SLC24A3: variants seen among roughly 807,000 people sequenced by gnomAD.
SLC24A3 encodes the protein solute carrier family 24 member 3, also known as sodium/potassium/calcium exchanger 3.
A neutral mutation model predicts 75.8 loss-of-function variants in SLC24A3; 28 were observed. The ratio of observed to expected loss-of-function variants is 0.37; its 90% confidence interval spans 0.27 to 0.51. The LOEUF (loss-of-function observed/expected upper bound fraction) is 0.51. Ranked by LOEUF, SLC24A3 falls within the 20% of genes least tolerant of loss-of-function variation. The pLI is 0.94. For missense variants in SLC24A3, 663 were observed against 847.8 expected (o/e 0.78, Z 2.71); for synonymous variants, 372 against 334.1 (o/e 1.11, Z -1.24).
intron 2 of SLC24A3, among the ~76,000 whole-genome samples, chr20:19,331,110 G>A (rs1368417960): frequency 1.3e-5 from 2 of 152,202 alleles, no homozygotes; most frequent in African/African-American, 4.8e-5. Flanking sequence ...ATCAGATCCT[G>A]TACTGGAGGG....
chr20:19,304,172 G>A lies in SLC24A3; in HGVS notation c.271+23085G>A, dbSNP rs558682601. Among the ~76,000 whole-genome samples, 25 of 152,232 alleles carry A rather than the reference G, an allele frequency of 1.6e-4. 1 individual carries two copies. In the South Asian group the frequency reaches 4.4e-3, roughly 27 times the overall value. ...TCCCTAGCTTCTCTTTAATACATAG[G>A]CTTTGAATAACATTAATCAAGTTTT... On this transcript the variant is annotated intron_variant, in intron 2 of 16. Transcript: ENST00000328041.
At chr20:19,218,151 G>A (rs571505064) in intron 1 of SLC24A3, among the ~76,000 whole-genome samples, 30 of 152,250 alleles carry the variant, frequency 2.0e-4, no homozygotes, top group African/African-American at 4.8e-4. Context: ...TCTTTTGATC[G>A]CTGAACTACA....
intron 2 of SLC24A3, among the ~76,000 whole-genome samples, chr20:19,285,795 A>C (rs2122229957): frequency 6.6e-6 from 1 of 152,174 alleles, no homozygotes; most frequent in African/African-American, 2.4e-5. Flanking sequence ...AATTTGATCC[A>C]TGGAAAATTA....
chr20:19,476,127 G>A (rs1219005737), intron 2 of SLC24A3, among the ~76,000 whole-genome samples: 3 of 152,220 alleles, frequency 2.0e-5, no homozygotes, highest in Admixed American at 1.3e-4. Context: ...CCAGGCCGGA[G>A]AGCTAGAGTC....
intron 2 of SLC24A3, among the ~76,000 whole-genome samples, chr20:19,349,226 T>C (rs1985508549): frequency 6.6e-6 from 1 of 152,198 alleles, no homozygotes; most frequent in African/African-American, 2.4e-5. Flanking sequence ...ATTGGGAGAC[T>C]ACAGAATCGC....
At chr20:19,430,427 G>C (rs1468142419) in intron 2 of SLC24A3, among the ~76,000 whole-genome samples, 2 of 152,044 alleles carry the variant, frequency 1.3e-5, no homozygotes, top group East Asian at 3.9e-4. Flanking sequence ...GTGAGGAAGA[G>C]AAAAAATAGG....
At chr20:19,303,134 G>A (rs1984235943) in intron 2 of SLC24A3, among the ~76,000 whole-genome samples, 1 of 152,066 alleles carries the variant, frequency 6.6e-6, no homozygotes, top group South Asian at 2.1e-4. Flanking sequence ...GTACCCAATA[G>A]GTAGTTTTTC....
intron 2 of SLC24A3, among the ~76,000 whole-genome samples, chr20:19,498,215 A>C (rs533615584): frequency 6.6e-6 from 1 of 152,252 alleles, no homozygotes; most frequent in Non-Finnish European, 1.5e-5. Context: ...CTGATTCTAC[A>C]TGGAGGTGAG....
intron 1 of SLC24A3, among the ~76,000 whole-genome samples, chr20:19,274,056 G>A (rs962215900): frequency 6.6e-6 from 1 of 150,982 alleles, no homozygotes; most frequent in Non-Finnish European, 1.5e-5. Context: ...TCCCCTCTGG[G>A]TTAAAGGGAG....
intron 3 of SLC24A3, among the ~76,000 whole-genome samples, chr20:19,550,870 C>A (rs1242793206): frequency 6.6e-6 from 1 of 152,132 alleles, no homozygotes. Context: ...TAATGAAGAG[C>A]AAATGAGGCC....
chr20:19,663,067 T>G (rs2032348955), intron 7 of SLC24A3, among the ~76,000 whole-genome samples: 1 of 152,114 alleles, frequency 6.6e-6, no homozygotes, highest in Admixed American at 6.5e-5. Flanking sequence ...GAAGCCCTGC[T>G]TCTGTTTAGA....
At chr20:19,280,731 C>T (rs923452545) in intron 1 of SLC24A3, among the ~76,000 whole-genome samples, 9 of 152,158 alleles carry the variant, frequency 5.9e-5, no homozygotes, top group Admixed American at 2.6e-4. Flanking sequence ...CAGTAGACAA[C>T]TGGAGCTTGA....
chr20:19,261,426 C>T (rs6136666), intron 1 of SLC24A3, among the ~76,000 whole-genome samples: 45,558 of 152,046 alleles, frequency 0.3, 7,656 homozygotes, highest in East Asian at 0.8. Context: ...ACTGCAGCCT[C>T]GAACTCCTGG....
chr20:19,389,976 G>A (rs954557176), intron 2 of SLC24A3, among the ~76,000 whole-genome samples: 3 of 152,016 alleles, frequency 2.0e-5, no homozygotes, highest in East Asian at 3.9e-4. Flanking sequence ...CTTTAAGCTC[G>A]ATGATTCTTT....
chr20:19,503,945 C>T (rs1162730474), intron 2 of SLC24A3, among the ~76,000 whole-genome samples: 2 of 152,230 alleles, frequency 1.3e-5, no homozygotes, highest in South Asian at 4.1e-4. Context: ...ATTACCAGGA[C>T]CAAGGAGTGC....
intron 16 of SLC24A3, 82 bp downstream of exon 16, chr20:19,717,675 G>A: frequency 1.3e-6 from 2 of 1,513,880 alleles, no homozygotes; most frequent in Non-Finnish European, 1.8e-6. Context: ...GATGAGCTTG[G>A]TCTCCTGGTG....
At chr20:19,245,833 T>C (rs1982470815) in intron 1 of SLC24A3, among the ~76,000 whole-genome samples, 1 of 152,052 alleles carries the variant, frequency 6.6e-6, no homozygotes, top group African/African-American at 2.4e-5. Flanking sequence ...AAAAAAAAAC[T>C]TCACCAGAAA....
At chr20:19,546,070 A>T (rs1414690083) in intron 3 of SLC24A3, among the ~76,000 whole-genome samples, 1 of 148,650 alleles carries the variant, frequency 6.7e-6, no homozygotes, top group Non-Finnish European at 1.5e-5. Flanking sequence ...GAAGTAGGAA[A>T]ATGGCGTGAA....
intron 1 of SLC24A3, among the ~76,000 whole-genome samples, chr20:19,239,130 A>AC (rs1183089436): frequency 6.6e-6 from 1 of 151,532 alleles, no homozygotes; most frequent in African/African-American, 2.4e-5. Context: ...TAAAAAAAAA[A>AC]AAAAAAAACA....
Sources: gnomAD v4.1 joint callset for allele counts (sites outside exome capture counted in the v4.1 genomes callset) on GRCh38, gnomAD v4.1.1 for gene constraint, MANE v1.5 for transcripts, NCBI Gene and HGNC (gene_info 2026-07-23, HGNC 2026-07-21) for gene names.